Variants in PSME4 observed in about 807,000 individuals in gnomAD.
The protein encoded by PSME4 is proteasome activator subunit 4.
A neutral mutation model predicts 253.9 loss-of-function variants in PSME4; 89 were observed. The observed-to-expected ratio is 0.35, with a 90% CI of 0.30 to 0.42. The LOEUF (loss-of-function observed/expected upper bound fraction) is 0.42. Among genes scored for constraint, PSME4 ranks in the 10% least tolerant of loss-of-function variants. PSME4 has a pLI of 1.00. For synonymous variants in PSME4, 851 were observed against 759.2 expected (o/e 1.12, Z -1.99); for missense variants, 2,014 against 2,195.2 (o/e 0.92, Z 1.65).
At chr2:53,887,611 C>G in intron 39 of PSME4, 144 bp from the exon 40 acceptor site, 1 of 905,736 alleles carries the variant, frequency 1.1e-6, no homozygotes, top group Non-Finnish European at 1.6e-6. Context: ...GTAAAAGAAG[C>G]CTTATAATTA....
At chr2:53,954,760 G>A (rs947412383) in intron 1 of PSME4, among the ~76,000 whole-genome samples, 3 of 151,706 alleles carry the variant, frequency 2.0e-5, no homozygotes, top group African/African-American at 4.8e-5. Flanking sequence ...AGAATCAGTT[G>A]AACCCTGGAT....
chr2:53,887,971 T>G lies in PSME4; in HGVS notation c.4407A>C (p.Gln1469His), dbSNP rs1161327313. The change falls in exon 39 of 47, where the codon CAA becomes CAC. Residue 1469 changes from glutamine to histidine, a missense_variant. By Grantham distance (24) the Gln-to-His change is conservative. Coordinates refer to ENST00000404125, the MANE Select transcript of PSME4 (RefSeq NM_014614.3). The part of the protein sequence containing the change: ...FVDACRLYVL[Q>H]GGLAQQEWRV... ...TCCATTCTTGCTGGGCAAGGCCACC[T>G]TGTAGTACATAAAGTCGACTAAAAT... 9.3e-6 allele frequency: 15 copies of G among 1,611,882 alleles called. No individual in the cohort carries two copies. Among genetic ancestry groups the G allele is most frequent in the Non-Finnish European group, 1.3e-5 (15 of 1,179,114 alleles).
At chr2:53,869,573 T>G (rs1481366248) in intron 43 of PSME4, 35 bp from the exon 44 acceptor site, 1 of 1,435,472 alleles carries the variant, frequency 7.0e-7, no homozygotes, top group Admixed American at 1.9e-5. Flanking sequence ...GGACTGACAT[T>G]CTAAGTCTGA....
chr2:53,867,522 AG>A (rs1233936183), intron 44 of PSME4, among the ~76,000 whole-genome samples: 1 of 149,302 alleles, frequency 6.7e-6, no homozygotes, highest in African/African-American at 2.5e-5. Context: ...AAAAAAAAAA[AG>A]CTAGGCATGG....
In PSME4 at chr2:53,970,572, C is replaced by A. The variant is rs1305957309; in HGVS notation, c.213G>T (p.Gly71=). ...RAVQLQELWP[G]GLFWTRKLST... ...AGAGTTTCCTGGTCCAGAAGAGGCC[C>A]CCGGGCCACAGCTCTTGGAGCTGCA... The change falls in exon 1 of 47, where the codon GGG becomes GGT. Residue 71 remains glycine, a synonymous_variant. Transcript: ENST00000404125. The A allele has an allele frequency of 1.9e-6, 3 of 1,548,390 alleles. No homozygotes were observed. Among genetic ancestry groups the A allele is most frequent in the Admixed American group, 3.9e-5 (2 of 50,828 alleles).
intron 20 of PSME4, among the ~76,000 whole-genome samples, chr2:53,915,852 C>T (rs1668035879): frequency 6.6e-6 from 1 of 152,058 alleles, no homozygotes; most frequent in South Asian, 2.1e-4. Flanking sequence ...AGGTGGATCA[C>T]TTGAGGTCAG....
At chr2:53,920,077 A>G (rs1668227994) in intron 19 of PSME4, 116 bp downstream of exon 19, 1 of 888,128 alleles carries the variant, frequency 1.1e-6, no homozygotes, top group Non-Finnish European at 1.6e-6. Context: ...AAGTACATGT[A>G]TAGCAGATTT....
chr2:53,868,585 TTATAATATATA>T (rs924797590), intron 44 of PSME4, among the ~76,000 whole-genome samples: 1 of 134,086 alleles, frequency 7.5e-6, no homozygotes, highest in African/African-American at 2.8e-5. Context: ...TAAAATATAT[TTATAATATATA>T]TATAATATAT....
At chr2:53,884,360 G>A (rs965693048) in intron 41 of PSME4, among the ~76,000 whole-genome samples, 15 of 152,148 alleles carry the variant, frequency 9.9e-5, no homozygotes, top group African/African-American at 2.2e-4. Context: ...ACAGGCGTGC[G>A]CCACCATGCC....
chr2:53,932,434 T>C (rs1170525121), intron 9 of PSME4, among the ~76,000 whole-genome samples: 2 of 152,220 alleles, frequency 1.3e-5, no homozygotes, highest in African/African-American at 4.8e-5. Flanking sequence ...TAAGGCATTT[T>C]TGTTACCATT....
Position 53,919,228 on chromosome 2 carries a change from A to C in PSME4, c.2439T>G (p.Ser813Arg). The change falls in exon 20 of 47, where the codon AGT becomes AGG. Residue 813 changes from serine (S) to arginine (R), a missense_variant. Transcript: ENST00000404125. Reference protein sequence around the residue: ...LEMSRDDILQSLTIVHNCLIG... With the variant: ...LEMSRDDILQRLTIVHNCLIG... ...TTAAACAGTTGTGCACTATAGTCAG[A>C]CTCTGTAGAATATCATCTCTAGAAA... 6.3e-7 allele frequency: 1 copy of C among 1,597,286 alleles called. No individual in the cohort carries two copies. The highest frequency in any genetic ancestry group is 8.5e-7 in the Non-Finnish European group (1 of 1,174,688).
Position 53,885,670 on chromosome 2 carries a change from T to G in PSME4, c.4815+20A>C, listed in dbSNP as rs201023537. 1.2e-4 allele frequency: 182 copies of G among 1,576,142 alleles called. No individual in the cohort carries two copies. The East Asian group carries it at 4.0e-3, about 35-fold the overall frequency. On this transcript the variant is annotated intron_variant, in intron 41 of 46. Coordinates refer to ENST00000404125, the MANE Select transcript of PSME4 (RefSeq NM_014614.3). ...TGAAGGTCAAAAGGAGATGCATTCT[T>G]AATTTCAGCAAAACCTTACCTTGAA... is the stretch of plus-strand genomic sequence containing the variant.
At chr2:53,933,088 C>T (rs901604370) in intron 8 of PSME4, 10 of 199,108 alleles carry the variant, frequency 5.0e-5, no homozygotes, top group Admixed American at 4.9e-4. Context: ...CTAAGATTAT[C>T]ATCTTAAAAT....
intron 1 of PSME4, among the ~76,000 whole-genome samples, chr2:53,965,819 G>A (rs1398769440): frequency 9.9e-5 from 15 of 151,834 alleles, no homozygotes; most frequent in Admixed American, 8.5e-4. Context: ...ACAGGCACCC[G>A]CCATCATGCC....
chr2:53,901,221 C>G (rs565671503), intron 28 of PSME4, 129 bp downstream of exon 28: 1 of 865,562 alleles, frequency 1.2e-6, no homozygotes, highest in East Asian at 2.6e-5. Context: ...GTAACAAACG[C>G]TTTTTTAAAA....
chr2:53,866,482 C>T (rs185354034), intron 45 of PSME4, among the ~76,000 whole-genome samples: 3 of 152,264 alleles, frequency 2.0e-5, no homozygotes, highest in African/African-American at 4.8e-5. Flanking sequence ...TAAAATTTAT[C>T]ACAACAATAT....
Position 53,932,770 on chromosome 2 carries a change from T to C in PSME4, c.958-10A>G, listed in dbSNP as rs201567327. ...GCTTACTTGGTCCACCCTGTCCAGA[T>C]AAAAGAGTAAAAATGTCAGTACCCA... On this transcript the variant is annotated splice_polypyrimidine_tract_variant and intron_variant, in intron 8 of 46. Transcript: ENST00000404125. 3.0e-5 allele frequency: 48 copies of C among 1,603,222 alleles called. No homozygotes were observed. In the East Asian group the frequency reaches 9.8e-4, roughly 33 times the overall value.
At chr2:53,910,186 A>C in intron 20 of PSME4, 56 bp from the exon 21 acceptor site, 2 of 1,422,788 alleles carry the variant, frequency 1.4e-6, no homozygotes, top group South Asian at 1.1e-5. Flanking sequence ...GAAGTATTAA[A>C]GGGAAAAGTT....
At chr2:53,948,140 G>A (rs900992409) in intron 3 of PSME4, among the ~76,000 whole-genome samples, 2 of 152,120 alleles carry the variant, frequency 1.3e-5, no homozygotes, top group Non-Finnish European at 2.9e-5. Context: ...AAGGGCAGAT[G>A]ATATTTTATT....
Sources: allele counts gnomAD v4.1 joint callset (sites outside exome capture counted in the v4.1 genomes callset), GRCh38; gene constraint gnomAD v4.1.1; transcripts MANE v1.5; gene names NCBI Gene and HGNC (gene_info 2026-07-23, HGNC 2026-07-21).